The following MAGI1 variants were observed in gnomAD, a reference collection of about 807,000 sequenced individuals.
MAGI1 encodes membrane-associated guanylate kinase, WW and PDZ domain-containing protein 1.
MAGI1 carries 58 observed loss-of-function variants against 139.9 expected under a neutral mutation model. The ratio of observed to expected loss-of-function variants is 0.41; its 90% CI spans 0.34 to 0.52. The LOEUF is 0.52. Among genes scored for constraint, MAGI1 ranks in the 20% least tolerant of loss-of-function variants. MAGI1 has a pLI of 0.12. For missense variants in MAGI1, 1,874 were observed against 1,901.6 expected (o/e 0.99, Z 0.27); for synonymous variants, 812 against 737.9 (o/e 1.10, Z -1.63).
rs559495210 is a variant in MAGI1, at chr3:65,458,713, C to T, written c.960-5373G>A. Among the ~76,000 whole-genome samples, 14 of 152,078 alleles carry T rather than the reference C, an allele frequency of 9.2e-5. No homozygotes were observed. The South Asian group carries it at 2.9e-3, about 32-fold the overall frequency. ...CCTATATATATTCTCGTTATTAATC[C>T]CTTGTCAGATGGACAGTTTGCAAAT... On this transcript the variant is annotated intron_variant, in intron 5 of 22. Transcript: ENST00000402939.
rs187278481 is a variant in MAGI1, at chr3:65,756,915, T to A, written c.314-134827A>T. ...GAATTCCTCTGGTAATGAACTTACA[T>A]CTGAACCCATACACGGAATGCCAAA... is the stretch of plus-strand genomic sequence containing the variant. On this transcript the variant is annotated intron_variant, in intron 1 of 22. Transcript: ENST00000402939. Among the ~76,000 whole-genome samples the A allele has an allele frequency of 8.3e-4, 127 of 152,336 alleles. 1 individual carries two copies. Among genetic ancestry groups the A allele is most frequent in the African/African-American group, 2.5e-3 (105 of 41,582 alleles).
intron 1 of MAGI1, among the ~76,000 whole-genome samples, chr3:65,897,122 T>G (rs778776521): frequency 5.9e-4 from 90 of 152,148 alleles, no homozygotes; most frequent in Non-Finnish European, 8.4e-4. Context: ...TGTTATACTG[T>G]TTTTTTATTT....
intron 2 of MAGI1, among the ~76,000 whole-genome samples, chr3:65,516,967 AT>A (rs2077930038): frequency 6.6e-6 from 1 of 151,170 alleles, no homozygotes; most frequent in South Asian, 2.1e-4. Flanking sequence ...TGACCTCGTG[AT>A]CCGCCCGCCT....
intron 2 of MAGI1, among the ~76,000 whole-genome samples, chr3:65,518,845 A>G (rs1172930029): frequency 2.0e-5 from 3 of 152,252 alleles, no homozygotes; most frequent in Non-Finnish European, 4.4e-5. Flanking sequence ...TACACATTAA[A>G]TAAACTAGTA....
intron 1 of MAGI1, among the ~76,000 whole-genome samples, chr3:66,000,939 T>C (rs902262871): frequency 6.6e-6 from 1 of 152,198 alleles, no homozygotes. Flanking sequence ...AATTAGGAAA[T>C]TGAAGCTCCA....
Position 65,975,530 on chromosome 3 carries a change from C to T in MAGI1, c.313+62466G>A, listed in dbSNP as rs957630884. Among the ~76,000 whole-genome samples, 3 of 152,032 alleles carry T rather than the reference C, an allele frequency of 2.0e-5. No homozygotes were observed. In the South Asian group the frequency reaches 6.2e-4, roughly 32 times the overall value. ...CAGCACTTTGGAAGGTGGAGGTGGG[C>T]GGATCGTTCGAGCCTAGGAGTTCAA... On this transcript the variant is annotated intron_variant, in intron 1 of 22. Transcript: ENST00000402939.
intron 2 of MAGI1, among the ~76,000 whole-genome samples, chr3:65,561,622 GA>G (rs1383024071): frequency 6.6e-5 from 10 of 152,158 alleles, no homozygotes; most frequent in Admixed American, 6.5e-4. Flanking sequence ...TGCACAAGCT[GA>G]AAAGGAGTTT....
At chr3:65,723,428 A>T (rs1192067076) in intron 1 of MAGI1, among the ~76,000 whole-genome samples, 1 of 152,150 alleles carries the variant, frequency 6.6e-6, no homozygotes, top group African/African-American at 2.4e-5. Flanking sequence ...AAAGCTGACA[A>T]TCTCTAGGGG....
At chr3:65,707,632 G>A (rs954854497) in intron 1 of MAGI1, among the ~76,000 whole-genome samples, 3 of 148,788 alleles carry the variant, frequency 2.0e-5, no homozygotes, top group Admixed American at 2.0e-4. Context: ...TGAAGCTACA[G>A]TGAACCATGA....
At chr3:65,728,019 G>T (rs978414432) in intron 1 of MAGI1, among the ~76,000 whole-genome samples, 1 of 152,120 alleles carries the variant, frequency 6.6e-6, no homozygotes, top group Non-Finnish European at 1.5e-5. Flanking sequence ...TTTGTAAAGG[G>T]ATATAGTCTG....
At chr3:65,455,856 T>C (rs1202722465) in intron 5 of MAGI1, among the ~76,000 whole-genome samples, 1 of 152,256 alleles carries the variant, frequency 6.6e-6, no homozygotes, top group Non-Finnish European at 1.5e-5. Context: ...TTGTTGTATA[T>C]ATCAATAATC....
intron 16 of MAGI1, 49 bp from the exon 17 acceptor site, chr3:65,379,603 C>A: frequency 6.4e-7 from 1 of 1,564,048 alleles, no homozygotes; most frequent in South Asian, 1.2e-5. Flanking sequence ...GCAGCCCCTC[C>A]ATCCTGCTGC....
intron 1 of MAGI1, among the ~76,000 whole-genome samples, chr3:65,721,718 C>G (rs1183854982): frequency 3.9e-5 from 6 of 152,128 alleles, no homozygotes; most frequent in African/African-American, 1.4e-4. Context: ...TACTACTCCT[C>G]TTATTTATGC....
intron 22 of MAGI1, 134 bp from the exon 23 acceptor site, chr3:65,357,266 A>G: frequency 1.1e-6 from 1 of 882,730 alleles, no homozygotes; most frequent in Non-Finnish European, 1.7e-6. Flanking sequence ...CTCAAAGCCA[A>G]CTGAATCTGT....
At chr3:65,602,191 G>A (rs2082514931) in intron 2 of MAGI1, among the ~76,000 whole-genome samples, 1 of 152,116 alleles carries the variant, frequency 6.6e-6, no homozygotes, top group South Asian at 2.1e-4. Flanking sequence ...ATGACCAAAT[G>A]ATTCCCTCAG....
chr3:65,548,878 A>G (rs2079657992), intron 2 of MAGI1, among the ~76,000 whole-genome samples: 1 of 152,158 alleles, frequency 6.6e-6, no homozygotes, highest in African/African-American at 2.4e-5. Flanking sequence ...GGGTGAGCCA[A>G]CAGTTCATTA....
At chr3:65,483,518 CAGT>C (rs1951422903) in intron 3 of MAGI1, among the ~76,000 whole-genome samples, 1 of 152,172 alleles carries the variant, frequency 6.6e-6, no homozygotes, top group South Asian at 2.1e-4. Flanking sequence ...CGCGACTTAA[CAGT>C]ATTAAATAAA....
At chr3:65,962,643 T>C (rs1394540648) in intron 1 of MAGI1, among the ~76,000 whole-genome samples, 6 of 151,706 alleles carry the variant, frequency 4.0e-5, no homozygotes, top group African/African-American at 1.5e-4. Flanking sequence ...AAGACCAGCC[T>C]GGCCAACATG....
At chr3:65,730,251 T>C (rs942537770) in intron 1 of MAGI1, among the ~76,000 whole-genome samples, 1 of 152,116 alleles carries the variant, frequency 6.6e-6, no homozygotes, top group African/African-American at 2.4e-5. Context: ...TCTCACAAAA[T>C]CTGGAAGTGA....
Sources: gnomAD v4.1 joint callset for allele counts (sites outside exome capture counted in the v4.1 genomes callset) on GRCh38, gnomAD v4.1.1 for gene constraint, MANE v1.5 for transcripts, NCBI Gene and HGNC (gene_info 2026-07-23, HGNC 2026-07-21) for gene names.